SHISA6: variants seen among roughly 807,000 people sequenced by gnomAD.
The protein encoded by SHISA6 is shisa family member 6, also known as protein shisa-6.
SHISA6 carries 22 observed loss-of-function variants against 47.9 expected under a neutral mutation model. That is an observed-to-expected ratio of 0.46 (90% CI 0.33 to 0.66). The LOEUF is 0.66. Ranked by LOEUF, SHISA6 falls within the 30% of genes least tolerant of loss-of-function variation. The probability of loss-of-function intolerance (pLI) is 0.02; values close to 1 mark genes in which losing one functional copy is unlikely to be tolerated. For synonymous variants in SHISA6, 388 were observed against 337.8 expected, an observed-to-expected ratio of 1.15 and a Z score of -1.63; for missense variants, 680 against 764.6, an observed-to-expected ratio of 0.89 and a Z score of 1.30.
chr17:11,296,765 C>T (rs1313333797), intron 2 of SHISA6, among the ~76,000 whole-genome samples: 1 of 151,984 alleles, frequency 6.6e-6, no homozygotes. Context: ...AACTTGAGGT[C>T]ATTTGCATAG....
chr17:11,272,577 A>G (rs1908720537), intron 2 of SHISA6, among the ~76,000 whole-genome samples: 2 of 151,960 alleles, frequency 1.3e-5, no homozygotes, highest in Admixed American at 1.3e-4. Context: ...AAACTCTCCT[A>G]CTTGTGTTGT....
At chr17:11,386,647 G>A (rs909344626) in intron 3 of SHISA6, among the ~76,000 whole-genome samples, 1 of 152,174 alleles carries the variant, frequency 6.6e-6, no homozygotes, top group African/African-American at 2.4e-5. Context: ...TATGCTGGGG[G>A]TGTATTTCAG....
At chr17:11,332,386 T>C (rs1194001610) in intron 2 of SHISA6, among the ~76,000 whole-genome samples, 2 of 152,160 alleles carry the variant, frequency 1.3e-5, no homozygotes, top group African/African-American at 2.4e-5. Context: ...TCCGTCCTTA[T>C]GGGTAAAATT....
At chr17:11,466,131 C>T (rs1415173197) in intron 3 of SHISA6, among the ~76,000 whole-genome samples, 2 of 152,194 alleles carry the variant, frequency 1.3e-5, no homozygotes, top group Admixed American at 1.3e-4. Context: ...CAAAATGACA[C>T]ACACACCGTC....
intron 1 of SHISA6, among the ~76,000 whole-genome samples, chr17:11,253,505 T>C (rs1054393057): frequency 6.6e-6 from 1 of 152,182 alleles, no homozygotes; most frequent in African/African-American, 2.4e-5. Flanking sequence ...TCTTCGAAGA[T>C]CAATTTTATT....
intron 3 of SHISA6, among the ~76,000 whole-genome samples, chr17:11,493,574 T>C (rs2908975): frequency 3.8e-3 from 147 of 38,362 alleles, no homozygotes; most frequent in East Asian, 0.022. Flanking sequence ...GATACACGCG[T>C]GCGCGCGCAC....
At chr17:11,345,027 G>A (rs921008579) in intron 2 of SHISA6, among the ~76,000 whole-genome samples, 10 of 152,094 alleles carry the variant, frequency 6.6e-5, no homozygotes, top group African/African-American at 2.4e-4. Context: ...GTGAGAATAT[G>A]CAGTATTTAG....
intron 3 of SHISA6, among the ~76,000 whole-genome samples, chr17:11,486,718 C>T (rs1916357564): frequency 2.6e-5 from 4 of 152,202 alleles, no homozygotes; most frequent in African/African-American, 9.6e-5. Flanking sequence ...TGCACCCCAG[C>T]ATCTGGGCAC....
chr17:11,518,559 T>C (rs183854653), intron 3 of SHISA6, among the ~76,000 whole-genome samples: 58 of 152,326 alleles, frequency 3.8e-4, no homozygotes, highest in African/African-American at 1.3e-3. Flanking sequence ...AAATCTCAGA[T>C]TGGGGTTTGA....
intron 2 of SHISA6, among the ~76,000 whole-genome samples, chr17:11,329,799 C>T (rs1313153057): frequency 1.3e-5 from 2 of 152,030 alleles, no homozygotes; most frequent in Admixed American, 1.3e-4. Context: ...AGAAAATCGA[C>T]TTAATATAGG....
At chr17:11,486,726 C>A (rs1454428041) in intron 3 of SHISA6, among the ~76,000 whole-genome samples, 1 of 152,188 alleles carries the variant, frequency 6.6e-6, no homozygotes, top group East Asian at 1.9e-4. Context: ...AGCATCTGGG[C>A]ACTAGGAATA....
Position 11,486,836 on chromosome 17 carries a change from G to A in SHISA6, c.896-65060G>A, listed in dbSNP as rs545198464. 5.9e-5 allele frequency among the ~76,000 whole-genome samples: 9 copies of A among 152,322 alleles called. No individual in the cohort carries two copies. In the East Asian group the frequency reaches 1.4e-3, roughly 23 times the overall value. ...CCAACACCCACTACAGAAGGAGCGCGAAAGAAATAGGCAGACTGTCACTAC... is the reference window on the plus strand; with the variant it reads ...CCAACACCCACTACAGAAGGAGCGCAAAAGAAATAGGCAGACTGTCACTAC... On this transcript the variant is annotated intron_variant, in intron 3 of 5. Transcript: ENST00000441885.
chr17:11,364,525 TTTTCACATAAGTA>T (rs1258180697), intron 2 of SHISA6, among the ~76,000 whole-genome samples: 4 of 152,204 alleles, frequency 2.6e-5, no homozygotes, highest in Non-Finnish European at 5.9e-5. Context: ...TTCACATAAT[TTTTCACATAAGTA>T]TTTCACATAA....
chr17:11,384,236 A>T (rs946469689), intron 3 of SHISA6, among the ~76,000 whole-genome samples: 4 of 152,190 alleles, frequency 2.6e-5, no homozygotes, highest in Non-Finnish European at 4.4e-5. Context: ...CTGCCTCTCC[A>T]AGCTGCGGAG....
chr17:11,289,371 C>T (rs1909437604), intron 2 of SHISA6: 1 of 151,852 alleles, frequency 6.6e-6, no homozygotes, highest in South Asian at 2.1e-4. Flanking sequence ...AAACTGTCCT[C>T]TATCATGATT....
intron 2 of SHISA6, among the ~76,000 whole-genome samples, chr17:11,271,501 G>T (rs1908655324): frequency 6.6e-6 from 1 of 151,224 alleles, no homozygotes; most frequent in Non-Finnish European, 1.5e-5. Flanking sequence ...GCAGTGGCGT[G>T]ATCTCAGCTA....
At chr17:11,511,011 G>A (rs552000818) in intron 3 of SHISA6, among the ~76,000 whole-genome samples, 2 of 152,132 alleles carry the variant, frequency 1.3e-5, no homozygotes, top group African/African-American at 2.4e-5. Flanking sequence ...GAGCTAGGAA[G>A]AGCACCCACC....
chr17:11,325,514 C>T (rs1254241372), intron 2 of SHISA6, among the ~76,000 whole-genome samples: 1 of 152,062 alleles, frequency 6.6e-6, no homozygotes, highest in Non-Finnish European at 1.5e-5. Context: ...TTTACAACAC[C>T]AAATGGAATC....
At chr17:11,347,573 G>T (rs904714488) in intron 2 of SHISA6, among the ~76,000 whole-genome samples, 2 of 152,078 alleles carry the variant, frequency 1.3e-5, no homozygotes, top group African/African-American at 4.8e-5. Flanking sequence ...ATGAGGAAAC[G>T]GTGGCTTAGA....
Sources: gnomAD v4.1 joint callset for allele counts (sites outside exome capture counted in the v4.1 genomes callset) on GRCh38, gnomAD v4.1.1 for gene constraint, MANE v1.5 for transcripts, NCBI Gene and HGNC (gene_info 2026-07-23, HGNC 2026-07-21) for gene names.